Variants in ACP5 observed in about 807,000 individuals in gnomAD.
ACP5 encodes the protein acid phosphatase 5, tartrate resistant, also known as tartrate-resistant acid phosphatase type 5.
ACP5 carries 24 observed loss-of-function variants against 28.7 expected under a neutral mutation model. The ratio of observed to expected loss-of-function variants is 0.84; its 90% CI spans 0.61 to 1.18. The LOEUF (loss-of-function observed/expected upper bound fraction) is 1.18, where lower values mean the gene tolerates loss of function less well. ACP5 is among the 50% of genes most tolerant of loss of function. ACP5 has a pLI of 0.00. For missense variants in ACP5, 354 were observed against 422.2 expected (o/e 0.84, Z 1.42); for synonymous variants, 154 against 181.4 (o/e 0.85, Z 1.21).
Position 11,577,612 on chromosome 19 carries a change from A to C in ACP5, c.-20T>G. 1.9e-6 allele frequency: 1 copy of C among 523,018 alleles called. No individual in the cohort carries two copies. Among genetic ancestry groups the C allele is most frequent in the Admixed American group, 3.2e-5 (1 of 31,414 alleles). The allele number at this position is 523,018 out of a possible 1,614,324, so 32.4% of individuals were successfully genotyped here. ...ACTCACCCAGGGGGAGACACAGGCC[A>C]GTCACCGGAGGCTCTGAGAGGCTGG... On this transcript the variant is annotated 5_prime_UTR_variant, in exon 1 of 5. Transcript: ENST00000648477. This position sits in a 1 kb window ranked among gnomAD's most constrained non-coding sequence, Gnocchi z 5.7.
At chr19:11,577,748 C>T (rs1973228335), upstream of ACP5, 2 of 282,258 alleles carry the variant, frequency 7.1e-6, no homozygotes, top group Admixed American at 4.6e-5. This position sits in a 1 kb window ranked among gnomAD's most constrained non-coding sequence, Gnocchi z 5.7. Context: ...GAGCCCTCCC[C>T]TTGGGTCATG....
intron 4 of ACP5, among the ~76,000 whole-genome samples, chr19:11,575,920 C>G (rs1026013012): frequency 6.8e-6 from 1 of 148,058 alleles, no homozygotes; most frequent in Admixed American, 6.8e-5. Flanking sequence ...GGGAGGTTCA[C>G]CTGAGCCCGG....
intron 4 of ACP5, 161 bp from the exon 5 acceptor site, chr19:11,575,413 A>C: frequency 3.6e-6 from 3 of 843,538 alleles, no homozygotes; most frequent in Non-Finnish European, 5.7e-6. Context: ...ATCCTATTTC[A>C]TAGGTAGAGC....
At chr19:11,575,698 A>G (rs1304171577) in intron 4 of ACP5, 1 of 211,068 alleles carries the variant, frequency 4.7e-6, no homozygotes, top group East Asian at 1.1e-4. Context: ...TCTCTACTAA[A>G]ATATAAAAAT....
At chr19:11,576,021 AAAAG>A (rs1242159093) in intron 4 of ACP5, among the ~76,000 whole-genome samples, 2 of 151,436 alleles carry the variant, frequency 1.3e-5, no homozygotes, top group Admixed American at 6.6e-5. Context: ...AAAAAAAAAA[AAAAG>A]AGCTTAAAAA....
intron 4 of ACP5, 191 bp from the exon 5 acceptor site, chr19:11,575,443 G>T (rs1013865286): frequency 1.9e-5 from 13 of 680,852 alleles, no homozygotes; most frequent in Middle Eastern, 4.0e-4. Context: ...GAAATTGGTG[G>T]CCAGGTGTGG....
Position 11,575,177 on chromosome 19 carries a change from G to A in ACP5, c.811C>T (p.Gln271Ter), listed in dbSNP as rs1352167555. Residue 271 changes from glutamine (Q) to a stop codon, truncating the protein, a stop_gained, in exon 5 of 5, where the codon CAG (glutamine) becomes TAG (stop). Transcript: ENST00000648477. LOFTEE classifies it high-confidence loss of function. ...GNFMDPSKRH[Q>*]RKVPNGYLRF... ...AGATAGCCGTTGGGGACCTTGCGCT[G>A]GTGCCGCTTTGAGGGGTCCATGAAA... 2 of 1,614,016 alleles carry A rather than the reference G, an allele frequency of 1.2e-6. No individual in the cohort carries two copies. The highest frequency in any genetic ancestry group is 3.3e-5 in the Admixed American group (2 of 59,994).
In ACP5 at chr19:11,576,831, C is replaced by A. The variant is rs1446753016; in HGVS notation, c.274G>T (p.Asp92Tyr). Residue 92 changes from aspartate to tyrosine, a missense_variant, in exon 3 of 5, where the codon GAC (aspartate) becomes TAC (tyrosine). Asp to Tyr is a radical substitution (Grantham distance 160). Transcript: ENST00000648477. Reference protein sequence around the residue: ...NDKRFQETFEDVFSDRSLRKV... With the variant: ...NDKRFQETFEYVFSDRSLRKV... ...CGAAGGGAGCGGTCAGAGAATACGT[C>A]CTCAAAGGTCTCCTGTAGCAAACAG... is the stretch of plus-strand genomic sequence containing the variant. 6.2e-7 allele frequency: 1 copy of A among 1,614,100 alleles called. No homozygotes were observed. The highest frequency in any genetic ancestry group is 1.3e-5 in the African/African-American group (1 of 75,030).
At chr19:11,577,836 C>T (rs1973232389), upstream of ACP5, 1 of 224,284 alleles carries the variant, frequency 4.5e-6, no homozygotes, top group Admixed American at 5.2e-5. This position sits in a 1 kb window ranked among gnomAD's most constrained non-coding sequence, Gnocchi z 5.7. Flanking sequence ...GTGCAGCAGC[C>T]TCGGCCCACA....
At position 11,576,461 on chromosome 19, in the gene ACP5, C is replaced by T. The variant is rs1973158210; in HGVS notation, c.517G>A (p.Glu173Lys). The T allele has an allele frequency of 1.2e-6, 2 of 1,614,178 alleles. No individual in the cohort carries two copies. The highest frequency in any genetic ancestry group is 2.2e-5 in the East Asian group (1 of 44,886). ...GCCAGCTTCACGTCTCGGGGCCTCT[C>T]AGGCTGCTGGCTGAGGAAGTCATCT... ...NSDDFLSQQP[E>K]RPRDVKLART... The change falls in exon 4 of 5, where the codon GAG becomes AAG. Residue 173 changes from glutamate to lysine, a missense_variant. Transcript: ENST00000648477.
rs767190437 is a variant in ACP5 at position 11,575,296 on chromosome 19, C to G, written c.736-44G>C. On this transcript the variant is annotated intron_variant, in intron 4 of 4. Transcript: ENST00000648477. The stretch of plus-strand genomic sequence containing the variant: ...GGGTCAGTGGAGACCCAGCTTTGAG[C>G]AGAGCCCTGCCTAAGGTCCAGGGCT... 8.1e-6 allele frequency: 13 copies of G among 1,611,514 alleles called. No homozygotes were observed. In the East Asian group the frequency reaches 2.7e-4, roughly 33 times the overall value.
rs146196342 is a variant in ACP5, at chr19:11,575,222, C to T, written c.766G>A (p.Val256Met). ...ATGAAATTCCCAGCCCCACTCAGCA[C>T]GTAGCCCACGCCATTCTCATCTTGC... ...YLQDENGVGY[V>M]LSGAGNFMDP... The change falls in exon 5 of 5, where the codon GTG becomes ATG. Residue 256 changes from valine (V) to methionine (M), a missense_variant. By Grantham distance (21) the Val-to-Met change is conservative. Coordinates refer to ENST00000648477, the MANE Select transcript of ACP5 (RefSeq NM_001611.5). 171 of 1,613,734 alleles carry T rather than the reference C, an allele frequency of 1.1e-4. No individual in the cohort carries two copies. Among genetic ancestry groups the T allele is most frequent in the Non-Finnish European group, 1.4e-4 (163 of 1,180,038 alleles).
At position 11,576,816 on chromosome 19, in the gene ACP5, G is replaced by A. The variant is rs1231519014; in HGVS notation, c.289C>T (p.Arg97Cys). The A allele has an allele frequency of 2.8e-5, 45 of 1,613,942 alleles. No individual in the cohort carries two copies. Among genetic ancestry groups the A allele is most frequent in the South Asian group, 6.6e-5 (6 of 91,064 alleles). Reference sequence around the variant, plus strand: ...TACCAGGGCACTTTGCGAAGGGAGCGGTCAGAGAATACGTCCTCAAAGGTC... The same window carrying A: ...TACCAGGGCACTTTGCGAAGGGAGCAGTCAGAGAATACGTCCTCAAAGGTC... ...QETFEDVFSD[R>C]SLRKVPWYVL... Residue 97 changes from arginine (R) to cysteine (C), a missense_variant, in exon 3 of 5, where the codon CGC becomes TGC. By Grantham distance (180) the Arg-to-Cys change is radical (BLOSUM62 -3). Coordinates refer to ENST00000648477, the MANE Select transcript of ACP5 (RefSeq NM_001611.5).
rs1435249744 is a variant in ACP5 at position 11,576,419 on chromosome 19, A to G, written c.559T>C (p.Trp187Arg). 1.2e-6 allele frequency: 2 copies of G among 1,613,726 alleles called. No homozygotes were observed. Among genetic ancestry groups the G allele is most frequent in the Non-Finnish European group, 1.7e-6 (2 of 1,179,972 alleles). ...GCCGCCGCCAGCTGTTTCTTGAGCC[A>G]GGACAGCTGTGTGCGGGCCAGCTTC... ...DVKLARTQLS[W>R]LKKQLAAARE... Residue 187 changes from tryptophan (W) to arginine (R), a missense_variant, in exon 4 of 5, where the codon TGG becomes CGG. Transcript: ENST00000648477.
Position 11,576,839 on chromosome 19 carries a change from G to C in ACP5, c.266C>G (p.Thr89Ser). 1 of 1,614,064 alleles carries C rather than the reference G, an allele frequency of 6.2e-7. No individual in the cohort carries two copies. The highest frequency in any genetic ancestry group is 8.5e-7 in the Non-Finnish European group (1 of 1,180,000). The change falls in exon 3 of 5, where the codon ACC (threonine) becomes AGC (serine). Residue 89 changes from threonine to serine, a missense_variant. Transcript: ENST00000648477. The part of the protein sequence containing the change: ...QDINDKRFQE[T>S]FEDVFSDRSL... ...GCGGTCAGAGAATACGTCCTCAAAG[G>C]TCTCCTGTAGCAAACAGATAGGGCA...
chr19:11,575,272 G>A lies in ACP5; in HGVS notation c.736-20C>T, dbSNP rs1973089967. The A allele has an allele frequency of 1.2e-6, 2 of 1,613,100 alleles. No homozygotes were observed. Among genetic ancestry groups the A allele is most frequent in the Non-Finnish European group, 1.7e-6 (2 of 1,179,974 alleles). ...CAGGTACTGAGGATGGAGGACAAGG[G>A]GTCAGTGGAGACCCAGCTTTGAGCA... On this transcript the variant is annotated intron_variant, in intron 4 of 4. Coordinates refer to ENST00000648477, the MANE Select transcript of ACP5 (RefSeq NM_001611.5).
chr19:11,575,506 T>A, intron 4 of ACP5: 1 of 494,310 alleles, frequency 2.0e-6, no homozygotes. Context: ...GTGGATTGCT[T>A]GAGCCCAGGA....
chr19:11,576,453 G>A lies in ACP5; in HGVS notation c.525C>T (p.Pro175=). 1 of 1,614,122 alleles carries A rather than the reference G, an allele frequency of 6.2e-7. No homozygotes were observed. Among genetic ancestry groups the A allele is most frequent in the Non-Finnish European group, 8.5e-7 (1 of 1,180,034 alleles). Residue 175 remains proline (P), a synonymous_variant, in exon 4 of 5, where the codon CCC becomes CCT. Coordinates refer to ENST00000648477, the MANE Select transcript of ACP5 (RefSeq NM_001611.5). Reference sequence around the variant, plus strand: ...GTGTGCGGGCCAGCTTCACGTCTCGGGGCCTCTCAGGCTGCTGGCTGAGGA... The same window carrying A: ...GTGTGCGGGCCAGCTTCACGTCTCGAGGCCTCTCAGGCTGCTGGCTGAGGA... ...DDFLSQQPER[P]RDVKLARTQL... is the part of the protein sequence containing the mutation.
At chr19:11,576,006 C>CTAAAAAAAAAAAAAAAA (rs1973125766) in intron 4 of ACP5, among the ~76,000 whole-genome samples, 1 of 52,910 alleles carries the variant, frequency 1.9e-5, no homozygotes. Context: ...ACCTTGTCTC[C>CTAAAAAAAAAAAAAAAA]AAAAAAAAAA....
Sources: allele counts gnomAD v4.1 joint callset (sites outside exome capture counted in the v4.1 genomes callset), GRCh38; gene constraint gnomAD v4.1.1; non-coding constraint Gnocchi (gnomAD v3.1); transcripts MANE v1.5; gene names NCBI Gene and HGNC (gene_info 2026-07-23, HGNC 2026-07-21).